The following KCNQ5 variants were observed in gnomAD, a reference collection of about 807,000 sequenced individuals.
KCNQ5 encodes the protein potassium voltage-gated channel subfamily KQT member 5.
In KCNQ5, 30 loss-of-function variants were observed where a neutral mutation model predicts 98.2. The observed-to-expected ratio is 0.31, with a 90% CI of 0.23 to 0.41. The LOEUF is 0.41. Among genes scored for constraint, KCNQ5 ranks in the 10% least tolerant of loss-of-function variants. The probability of loss-of-function intolerance (pLI) is 1.00; values close to 1 mark genes in which losing one functional copy is unlikely to be tolerated. For synonymous variants in KCNQ5, 458 were observed against 449.4 expected, an observed-to-expected ratio of 1.02 and a Z score of -0.24; for missense variants, 835 against 1,182.5, an observed-to-expected ratio of 0.71 and a Z score of 4.31.
intron 1 of KCNQ5, among the ~76,000 whole-genome samples, chr6:72,845,227 G>A (rs563371306): frequency 1.2e-4 from 18 of 152,116 alleles, no homozygotes; most frequent in Non-Finnish European, 2.1e-4. Flanking sequence ...CTAGCAAAAA[G>A]AATGACCGTA....
chr6:73,187,151 C>T (rs183976828), intron 11 of KCNQ5, among the ~76,000 whole-genome samples: 1,818 of 151,884 alleles, frequency 0.012, 19 homozygotes, highest in Middle Eastern at 0.044. Context: ...GCTCTGCCTC[C>T]CGGGTTCATG....
intron 1 of KCNQ5, among the ~76,000 whole-genome samples, chr6:72,720,184 T>TATC (rs773716500): frequency 2.6e-5 from 4 of 152,196 alleles, no homozygotes; most frequent in Admixed American, 6.5e-5. Flanking sequence ...GTAGTTTTAG[T>TATC]ATCATCTCCG....
chr6:72,903,284 C>G (rs905286665), intron 1 of KCNQ5, among the ~76,000 whole-genome samples: 1 of 152,072 alleles, frequency 6.6e-6, no homozygotes, highest in Admixed American at 6.6e-5. Flanking sequence ...AAATAACCAG[C>G]TTTTTGTTTC....
At chr6:72,675,409 T>C (rs1767359361) in intron 1 of KCNQ5, among the ~76,000 whole-genome samples, 1 of 152,268 alleles carries the variant, frequency 6.6e-6, no homozygotes, top group Admixed American at 6.5e-5. Context: ...ATCTTGGAAT[T>C]GAAGTAATAT....
At chr6:72,802,322 G>A (rs531091592) in intron 1 of KCNQ5, among the ~76,000 whole-genome samples, 40 of 152,104 alleles carry the variant, frequency 2.6e-4, no homozygotes, top group South Asian at 8.3e-4. Context: ...GGCTTTGTTC[G>A]TTTCTTTTTA....
intron 3 of KCNQ5, among the ~76,000 whole-genome samples, chr6:73,074,552 C>G (rs1773436752): frequency 6.6e-6 from 1 of 152,156 alleles, no homozygotes; most frequent in Admixed American, 6.5e-5. Context: ...AACAATCTTT[C>G]TCTTACTTTT....
intron 1 of KCNQ5, among the ~76,000 whole-genome samples, chr6:72,704,634 T>C (rs1227001515): frequency 9.2e-6 from 1 of 108,544 alleles, no homozygotes; most frequent in Non-Finnish European, 1.7e-5. Flanking sequence ...TTGTTATAAA[T>C]GATAAAAAAA....
intron 1 of KCNQ5, among the ~76,000 whole-genome samples, chr6:72,842,505 G>T (rs891708003): frequency 2.0e-4 from 31 of 152,124 alleles, no homozygotes; most frequent in African/African-American, 7.2e-4. Flanking sequence ...GTTTATCTAA[G>T]ATCATACTGG....
intron 1 of KCNQ5, among the ~76,000 whole-genome samples, chr6:72,928,487 T>C (rs4552693): frequency 0.35 from 53,240 of 151,890 alleles, 9,728 homozygotes; most frequent in African/African-American, 0.44. Flanking sequence ...TTTCTATTAG[T>C]CTTTTAACTA....
intron 1 of KCNQ5, among the ~76,000 whole-genome samples, chr6:72,933,762 C>T (rs1272755457): frequency 6.6e-6 from 1 of 152,102 alleles, no homozygotes; most frequent in African/African-American, 2.4e-5. Flanking sequence ...TCATGTGTCT[C>T]CTCCTAATAA....
chr6:72,698,642 C>CTTT (rs372524217), intron 1 of KCNQ5, among the ~76,000 whole-genome samples: 1,613 of 108,736 alleles, frequency 0.015, 40 homozygotes, highest in African/African-American at 0.067. Context: ...TTTTTTTCTT[C>CTTT]TTCTTCTTTT....
intron 1 of KCNQ5, among the ~76,000 whole-genome samples, chr6:72,744,225 T>C (rs1437974557): frequency 6.6e-6 from 1 of 152,176 alleles, no homozygotes; most frequent in Non-Finnish European, 1.5e-5. Flanking sequence ...AACAGGCATA[T>C]CTACGATGAG....
At chr6:72,896,965 T>A (rs1219188615) in intron 1 of KCNQ5, among the ~76,000 whole-genome samples, 1 of 152,114 alleles carries the variant, frequency 6.6e-6, no homozygotes, top group African/African-American at 2.4e-5. Flanking sequence ...GGTTGGTTGG[T>A]TTTTTGTTTT....
At position 72,673,882 on chromosome 6, in the gene KCNQ5, G is replaced by A. The variant is rs115528978; in HGVS notation, c.398+51295G>A. ...ATGCTTTGGTAGCAGTGACAAAGCCGTTTTATTCAGATTAAATTGAACCAA... is the reference window on the plus strand; with the variant it reads ...ATGCTTTGGTAGCAGTGACAAAGCCATTTTATTCAGATTAAATTGAACCAA... On this transcript the variant is annotated intron_variant, in intron 1 of 13. Coordinates refer to ENST00000370398, the MANE Select transcript of KCNQ5 (RefSeq NM_019842.4). Among the ~76,000 whole-genome samples, 1,502 of 152,212 alleles carry A rather than the reference G, an allele frequency of 9.9e-3. 26 individuals carry two copies. Among genetic ancestry groups the A allele is most frequent in the African/African-American group, 0.035 (1,440 of 41,526 alleles).
At chr6:72,938,945 C>T (rs1317535593) in intron 1 of KCNQ5, among the ~76,000 whole-genome samples, 1 of 152,140 alleles carries the variant, frequency 6.6e-6, no homozygotes, top group Non-Finnish European at 1.5e-5. Context: ...ATTAGTAATA[C>T]TGTTTCAGAC....
At chr6:73,150,226 G>A (rs1246422377) in intron 10 of KCNQ5, among the ~76,000 whole-genome samples, 2 of 151,982 alleles carry the variant, frequency 1.3e-5, no homozygotes, top group Non-Finnish European at 2.9e-5. Flanking sequence ...TGCTGGGGGA[G>A]ATGCAAAGAA....
At chr6:72,966,211 C>G (rs1284963940) in intron 1 of KCNQ5, among the ~76,000 whole-genome samples, 1 of 152,114 alleles carries the variant, frequency 6.6e-6, no homozygotes, top group Non-Finnish European at 1.5e-5. Flanking sequence ...GACTAGCAGT[C>G]AAATATTCCC....
intron 1 of KCNQ5, among the ~76,000 whole-genome samples, chr6:72,802,897 A>T (rs914581443): frequency 1.3e-5 from 2 of 152,152 alleles, no homozygotes; most frequent in African/African-American, 4.8e-5. Context: ...GCACCTCTGC[A>T]TTGAACTTAA....
At chr6:72,824,070 T>C (rs1262835674) in intron 1 of KCNQ5, among the ~76,000 whole-genome samples, 1 of 152,180 alleles carries the variant, frequency 6.6e-6, no homozygotes, top group Admixed American at 6.5e-5. Flanking sequence ...CTTGTTTTCA[T>C]CCAGGACTAC....
Sources: allele counts gnomAD v4.1 joint callset (sites outside exome capture counted in the v4.1 genomes callset), GRCh38; gene constraint gnomAD v4.1.1; transcripts MANE v1.5; gene names NCBI Gene and HGNC (gene_info 2026-07-23, HGNC 2026-07-21).